The following ODC1 variants were observed in gnomAD, a reference collection of about 807,000 sequenced individuals.
The protein encoded by ODC1 is ornithine decarboxylase.
Under a neutral mutation model 41.5 loss-of-function variants are expected in ODC1, and 18 were observed. The observed-to-expected ratio is 0.43, with a 90% CI of 0.30 to 0.64. ODC1 has a LOEUF of 0.64. Among genes scored for constraint, ODC1 ranks in the 30% least tolerant of loss-of-function variants. ODC1 has a pLI of 0.11. For missense variants in ODC1, 504 were observed against 589.0 expected (o/e 0.86, Z 1.49); for synonymous variants, 218 against 211.6 (o/e 1.03, Z -0.26).
intron 1 of ODC1, among the ~76,000 whole-genome samples, chr2:10,445,693 CGGTGCAATCTTGGCTCACTGCAA>C (rs1671990057): frequency 1.3e-5 from 2 of 151,852 alleles, no homozygotes; most frequent in African/African-American, 4.8e-5. Context: ...TGGAGTGCAG[CGGTGCAATCTTGGCTCACTGCAA>C]CCTCTGCCTC....
rs1404980327 is a variant in ODC1, at chr2:10,442,190, A to G, written c.751-16T>C. 1.9e-6 allele frequency: 3 copies of G among 1,580,708 alleles called. No individual in the cohort carries two copies. The highest frequency in any genetic ancestry group is 4.5e-5 in the East Asian group (2 of 44,542). On this transcript the variant is annotated splice_polypyrimidine_tract_variant and intron_variant, in intron 8 of 11. Coordinates refer to ENST00000234111, the MANE Select transcript of ODC1 (RefSeq NM_002539.3). Reference sequence around the variant, plus strand: ...CGCCGGTGATCTAAGAGAGTGAAACAGAAAAGAAAGAGCAGCCTTCATTGT... The same window carrying G: ...CGCCGGTGATCTAAGAGAGTGAAACGGAAAAGAAAGAGCAGCCTTCATTGT...
In ODC1 at chr2:10,445,243, C is replaced by T. The variant is rs1671973261; in HGVS notation, c.-106G>A. ...GGAATTCCAAATCCCTCTGCGTGTG[C>T]CCTTGGAACAGCAGTGACAATCTGA... is the stretch of plus-strand genomic sequence containing the variant. On this transcript the variant is annotated 5_prime_UTR_variant, in exon 2 of 12. Coordinates refer to ENST00000234111, the MANE Select transcript of ODC1 (RefSeq NM_002539.3). 2 of 492,506 alleles carry T rather than the reference C, an allele frequency of 4.1e-6. No homozygotes were observed. The highest frequency in any genetic ancestry group is 3.9e-5 in the African/African-American group (2 of 50,936). 30.5% of individuals were successfully genotyped at this position (492,506 alleles called of 1,614,324 possible).
At chr2:10,442,596 A>G (rs1181856423) in intron 8 of ODC1, among the ~76,000 whole-genome samples, 3 of 152,246 alleles carry the variant, frequency 2.0e-5, no homozygotes, top group African/African-American at 7.2e-5. Context: ...TTAACTTCCT[A>G]AGTGACTAAA....
rs990554190 is a variant in ODC1, at chr2:10,443,212, A to G, written c.750+18T>C. 3 of 1,579,946 alleles carry G rather than the reference A, an allele frequency of 1.9e-6. No individual in the cohort carries two copies. The highest frequency in any genetic ancestry group is 2.7e-5 in the African/African-American group (2 of 73,496). The stretch of plus-strand genomic sequence containing the variant: ...TATTAGAACGGCTACTGAGTATTAC[A>G]GTTTTGTTCTAAATTACCTCTTCAA... On this transcript the variant is annotated intron_variant, in intron 8 of 11. Transcript: ENST00000234111.
chr2:10,442,881 T>A (rs572621718), intron 8 of ODC1, among the ~76,000 whole-genome samples: 3 of 145,970 alleles, frequency 2.1e-5, no homozygotes, highest in East Asian at 4.1e-4. Flanking sequence ...AGGCTAATTT[T>A]AAAATTTTTT....
chr2:10,447,695 C>G (rs1411802235), intron 1 of ODC1: 1 of 152,430 alleles, frequency 6.6e-6, no homozygotes, highest in African/African-American at 2.4e-5. Flanking sequence ...TGGAAGGAAA[C>G]TGAAGGCGCC....
At chr2:10,445,929 C>T (rs185506311) in intron 1 of ODC1, among the ~76,000 whole-genome samples, 55 of 152,330 alleles carry the variant, frequency 3.6e-4, no homozygotes, top group African/African-American at 1.3e-3. Flanking sequence ...CCTTTATACA[C>T]AGCCATACAA....
In ODC1 at chr2:10,441,358, CTCA is replaced by C. The variant is rs561454869; in HGVS notation, c.1241+148_1241+150del. 210 of 747,294 alleles carry C rather than the reference CTCA, an allele frequency of 2.8e-4. No homozygotes were observed. In the African/African-American group the frequency reaches 3.4e-3, roughly 12 times the overall value. The allele number at this position is 747,294 out of a possible 1,614,324, so 46.3% of individuals were successfully genotyped here. A position where few individuals can be genotyped will look rare whatever the true frequency, so the allele number is the denominator to read the frequency against. Reference sequence around the variant, plus strand: ...TATATTCCAATTACATAGAAATACACTCATCAGTCTTTTCTAAAACTTTTCTTA... The same window carrying C: ...TATATTCCAATTACATAGAAATACACTCAGTCTTTTCTAAAACTTTTCTTA... On this transcript the variant is annotated intron_variant, in intron 11 of 11. Coordinates refer to ENST00000234111, the MANE Select transcript of ODC1 (RefSeq NM_002539.3).
In ODC1 at chr2:10,440,841, G is replaced by T. The variant is rs1049500; in HGVS notation, c.1269C>A (p.Pro423=). ...AWQLMQQFQN[P]DFPPEVEEQD... is the part of the protein sequence containing the mutation. ...GTTCCTCTACTTCGGGTGGGAAGTC[G>T]GGGTTCTGGAATTGCTGCATGAGTT... The change falls in exon 12 of 12, where the codon CCC becomes CCA. Residue 423 remains proline (P), a synonymous_variant. Coordinates refer to ENST00000234111, the MANE Select transcript of ODC1 (RefSeq NM_002539.3). 6.2e-7 allele frequency: 1 copy of T among 1,613,764 alleles called. No individual in the cohort carries two copies. Among genetic ancestry groups the T allele is most frequent in the Non-Finnish European group, 8.5e-7 (1 of 1,179,976 alleles).
chr2:10,443,718 C>T lies in ODC1; in HGVS notation c.568G>A (p.Asp190Asn), dbSNP rs116522452. ...AAATCTCACCTGACACCAACAACATCGATATTTAGCTCTTTCGCCCGTTCC... is the reference window on the plus strand; with the variant it reads ...AAATCTCACCTGACACCAACAACATTGATATTTAGCTCTTTCGCCCGTTCC... The part of the protein sequence containing the change: ...LLERAKELNI[D>N]VVGVSFHVGS... The change falls in exon 6 of 12, where the codon GAT becomes AAT. Residue 190 changes from aspartate (D) to asparagine (N), a missense_variant. By Grantham distance (23) the Asp-to-Asn change is conservative (BLOSUM62 1). Around this residue, in one of 3 missense-constraint regions of ODC1, gnomAD observed 447 missense variants for 524.4 expected, o/e 0.85. Coordinates refer to ENST00000234111, the MANE Select transcript of ODC1 (RefSeq NM_002539.3). 2.9e-5 allele frequency: 47 copies of T among 1,614,166 alleles called. 1 individual carries two copies. The highest frequency in any genetic ancestry group is 7.7e-5 in the South Asian group (7 of 91,086).
At chr2:10,443,951 G>T in intron 5 of ODC1, 115 bp from the exon 6 acceptor site, 2 of 1,494,458 alleles carry the variant, frequency 1.3e-6, no homozygotes, top group Non-Finnish European at 1.8e-6. Context: ...TGTAGTTTGA[G>T]TCCCAGGCTT....
intron 1 of ODC1, chr2:10,447,497 T>C (rs1050305378): frequency 1.9e-4 from 29 of 152,274 alleles, no homozygotes; most frequent in African/African-American, 7.0e-4. Context: ...CCCCTGTGTA[T>C]GTCCGTTCAT....
chr2:10,442,530 T>C (rs1270460144), intron 8 of ODC1, among the ~76,000 whole-genome samples: 2 of 152,224 alleles, frequency 1.3e-5, no homozygotes, highest in African/African-American at 4.8e-5. Context: ...GCCTACGTCA[T>C]GATTTTAACA....
chr2:10,443,549 T>C lies in ODC1; in HGVS notation c.607A>G (p.Thr203Ala), dbSNP rs758404248. 2 of 1,613,890 alleles carry C rather than the reference T, an allele frequency of 1.2e-6. No homozygotes were observed. Among genetic ancestry groups the C allele is most frequent in the East Asian group, 2.2e-5 (1 of 44,884 alleles). Reference sequence around the variant, plus strand: ...GCCTGCACGAAGGTCTCAGGATCGGTACAGCCGCTTCCTACATGGAAGCTG... The same window carrying C: ...GCCTGCACGAAGGTCTCAGGATCGGCACAGCCGCTTCCTACATGGAAGCTG... ...GVSFHVGSGC[T>A]DPETFVQAIS... Residue 203 changes from threonine to alanine, a missense_variant, in exon 7 of 12, where the codon ACC becomes GCC. Physicochemically the swap from Thr to Ala is moderately conservative, Grantham distance 58. This residue lies in a region of ODC1 where 447 missense variants were observed against 524.4 expected (regional missense o/e 0.85). Transcript: ENST00000234111.
At chr2:10,441,788 T>G in intron 10 of ODC1, 29 bp downstream of exon 10, 1 of 1,612,720 alleles carries the variant, frequency 6.2e-7, no homozygotes, top group Non-Finnish European at 8.5e-7. Flanking sequence ...GTCCTCTTAA[T>G]TGTTTTATAC....
Position 10,440,829 on chromosome 2 carries a change from G to C in ODC1, c.1281C>G (p.Pro427=). ...TGCTGGCATCCTGTTCCTCTACTTC[G>C]GGTGGGAAGTCGGGGTTCTGGAATT... ...MQQFQNPDFP[P]EVEEQDASTL... is the part of the protein sequence containing the mutation. The change falls in exon 12 of 12, where the codon CCC becomes CCG. Residue 427 remains proline (P), a synonymous_variant. Transcript: ENST00000234111. 6.2e-7 allele frequency: 1 copy of C among 1,614,080 alleles called. No homozygotes were observed. Among genetic ancestry groups the C allele is most frequent in the South Asian group, 1.1e-5 (1 of 91,068 alleles).
At chr2:10,441,470 T>G (rs1432497685) in intron 11 of ODC1, 39 bp downstream of exon 11, 1 of 1,585,230 alleles carries the variant, frequency 6.3e-7, no homozygotes, top group Non-Finnish European at 8.6e-7. Context: ...AGAAGGTGCC[T>G]ATTCTTGGCA....
At position 10,444,925 on chromosome 2, in the gene ODC1, A is replaced by G; in HGVS notation, c.102+6T>C. On this transcript the variant is annotated splice_donor_region_variant and intron_variant, in intron 3 of 11. Transcript: ENST00000234111. ...TGCACTGCCAGCATGGGCCTCATAT[A>G]CTTACAGAAGAAGAAACTTCATTAA... 1 of 1,601,088 alleles carries G rather than the reference A, an allele frequency of 6.2e-7. No individual in the cohort carries two copies.
intron 11 of ODC1, among the ~76,000 whole-genome samples, 176 bp downstream of exon 11, chr2:10,441,333 T>C (rs1671810687): frequency 6.6e-6 from 1 of 152,252 alleles, no homozygotes; most frequent in South Asian, 2.1e-4. Flanking sequence ...TGAACTTAAA[T>C]ATATTCCAAT....
Sources: gnomAD v4.1 joint callset for allele counts (sites outside exome capture counted in the v4.1 genomes callset) on GRCh38, gnomAD v4.1.1 for gene constraint, gnomAD v4.1.1 regional missense constraint, MANE v1.5 for transcripts, NCBI Gene and HGNC (gene_info 2026-07-23, HGNC 2026-07-21) for gene names.